The following VPS8 variants were observed in gnomAD, a reference collection of about 807,000 sequenced individuals.
VPS8 encodes vacuolar protein sorting-associated protein 8 homolog.
In VPS8, 129 loss-of-function variants were observed where a neutral mutation model predicts 216.4. The observed-to-expected ratio is 0.60, with a 90% confidence interval of 0.52 to 0.69. The LOEUF (loss-of-function observed/expected upper bound fraction) is 0.69. Among genes scored for constraint, VPS8 ranks in the 30% least tolerant of loss-of-function variants. The probability of loss-of-function intolerance (pLI) is 0.00; values close to 1 mark genes in which losing one functional copy is unlikely to be tolerated. For synonymous variants in VPS8, 571 were observed against 565.4 expected, an observed-to-expected ratio of 1.01 and a Z score of -0.14; for missense variants, 1,531 against 1,683.5, an observed-to-expected ratio of 0.91 and a Z score of 1.59.
chr3:184,926,673 T>C (rs760443677), intron 31 of VPS8, 23 bp downstream of exon 31: 131 of 1,582,232 alleles, frequency 8.3e-5, no homozygotes, highest in Non-Finnish European at 1.1e-4. Flanking sequence ...AGAACTCTTT[T>C]TGCTAAAAAA....
chr3:184,970,306 T>C (rs185208815), intron 39 of VPS8, among the ~76,000 whole-genome samples: 1 of 152,244 alleles, frequency 6.6e-6, no homozygotes. Context: ...CACAGACTAC[T>C]AAAACACAGA....
At chr3:184,886,484 CATATATACACACACATAT>C (rs1344700585) in intron 22 of VPS8, among the ~76,000 whole-genome samples, 3 of 151,076 alleles carry the variant, frequency 2.0e-5, no homozygotes, top group Non-Finnish European at 2.9e-5. Flanking sequence ...CACACACACG[CATATATACACACACATAT>C]ATATATACAC....
chr3:184,835,011 A>C (rs543374762), intron 5 of VPS8: 1 of 284,698 alleles, frequency 3.5e-6, no homozygotes, highest in African/African-American at 2.2e-5. Context: ...AATAAATACT[A>C]TTTGCCTTTT....
At chr3:184,878,191 A>G (rs901927942) in intron 21 of VPS8, among the ~76,000 whole-genome samples, 1 of 151,666 alleles carries the variant, frequency 6.6e-6, no homozygotes, top group African/African-American at 2.4e-5. Context: ...GCTCACTGCA[A>G]CCTCTGCCTC....
intron 45 of VPS8, 24 bp downstream of exon 45, chr3:184,999,885 A>G: frequency 1.4e-5 from 23 of 1,588,462 alleles, no homozygotes; most frequent in Non-Finnish European, 2.0e-5. Flanking sequence ...TCGTGGCAAA[A>G]TGGAAATGGT....
At position 184,989,600 on chromosome 3, in the gene VPS8, A is replaced by G. The variant is rs142932407; in HGVS notation, c.3586-4383A>G. Among the ~76,000 whole-genome samples, 1,162 of 152,246 alleles carry G rather than the reference A, an allele frequency of 7.6e-3. 14 individuals carry two copies. The highest frequency in any genetic ancestry group is 0.026 in the African/African-American group (1,091 of 41,558). ...TTTTTAAATGTTGAACCAGCCTTGC[A>G]TACCTGGGATAAATCCCACTTGGTT... On this transcript the variant is annotated intron_variant, in intron 42 of 47. Transcript: ENST00000625842.
chr3:184,961,311 C>A (rs1019107333), intron 37 of VPS8, among the ~76,000 whole-genome samples: 28 of 152,296 alleles, frequency 1.8e-4, no homozygotes, highest in African/African-American at 6.5e-4. Context: ...CCTTTGCTGT[C>A]AACACTCCTG....
At chr3:184,841,317 C>T (rs1002532648) in intron 7 of VPS8, among the ~76,000 whole-genome samples, 1 of 152,150 alleles carries the variant, frequency 6.6e-6, no homozygotes, top group African/African-American at 2.4e-5. Flanking sequence ...TGTATCTATA[C>T]ACCCTCAAAT....
intron 22 of VPS8, among the ~76,000 whole-genome samples, chr3:184,892,176 T>C (rs1032408433): frequency 2.0e-5 from 3 of 152,136 alleles, no homozygotes; most frequent in Non-Finnish European, 4.4e-5. Context: ...GAATAGTGCC[T>C]AAATATAGAA....
chr3:184,866,191 A>G (rs1727324643), intron 16 of VPS8, among the ~76,000 whole-genome samples: 1 of 152,242 alleles, frequency 6.6e-6, no homozygotes, highest in Admixed American at 6.5e-5. Context: ...AATGTGGCAT[A>G]GCCATTTAAT....
chr3:184,948,111 T>C (rs1450084458), intron 36 of VPS8, among the ~76,000 whole-genome samples: 1 of 152,176 alleles, frequency 6.6e-6, no homozygotes, highest in Non-Finnish European at 1.5e-5. Flanking sequence ...TTACTAAAGA[T>C]ATTTACAGTA....
chr3:184,924,775 G>A lies in VPS8; in HGVS notation c.2455-87G>A. The stretch of plus-strand genomic sequence containing the variant: ...AATCTTTTTACGCGTCTTCAGTCAT[G>A]AGGCTATCCCGTCTTCTAATTGTAT... On this transcript the variant is annotated intron_variant, in intron 29 of 47. Transcript: ENST00000625842. 2.7e-6 allele frequency: 4 copies of A among 1,461,160 alleles called. No homozygotes were observed. The South Asian group carries it at 4.1e-5, about 15-fold the overall frequency. 90.5% of individuals were successfully genotyped at this position (1,461,160 alleles called of 1,614,324 possible). A position where few individuals can be genotyped will look rare whatever the true frequency, so the allele number is the denominator to read the frequency against.
intron 29 of VPS8, among the ~76,000 whole-genome samples, chr3:184,921,920 A>G (rs1578252986): frequency 6.6e-6 from 1 of 152,116 alleles, no homozygotes; most frequent in South Asian, 2.1e-4. Flanking sequence ...AGCATAAGTA[A>G]TAGTTTCTGC....
Position 184,966,697 on chromosome 3 carries a change from A to G in VPS8, c.3300A>G (p.Val1100=). 1 of 1,593,304 alleles carries G rather than the reference A, an allele frequency of 6.3e-7. No homozygotes were observed. The highest frequency in any genetic ancestry group is 8.6e-7 in the Non-Finnish European group (1 of 1,166,810). The part of the protein sequence containing the change: ...LERLQSKLQE[V]THQGENTKED... ...GACTACAAAGCAAACTTCAAGAGGT[A>G]ACACATCAAGGTGAAAGTAAGTTCT... is the stretch of plus-strand genomic sequence containing the variant. The change falls in exon 39 of 48, where the codon GTA becomes GTG. Residue 1100 remains valine, a synonymous_variant. Coordinates refer to ENST00000625842, the MANE Select transcript of VPS8 (RefSeq NM_001009921.3).
At chr3:184,929,700 T>C in intron 33 of VPS8, 36 bp downstream of exon 33, 1 of 1,292,308 alleles carries the variant, frequency 7.7e-7, no homozygotes, top group South Asian at 1.5e-5. Context: ...TTTTTCTTAC[T>C]CAACTTTCCC....
chr3:184,859,914 G>A, intron 14 of VPS8, 71 bp from the exon 15 acceptor site: 2 of 1,120,930 alleles, frequency 1.8e-6, no homozygotes, highest in Non-Finnish European at 1.3e-6. Context: ...TCTAGGTGGA[G>A]TATAATTAAA....
chr3:185,042,802 A>G (rs34829829), intron 46 of VPS8, among the ~76,000 whole-genome samples: 34,979 of 152,178 alleles, frequency 0.23, 5,341 homozygotes, highest in East Asian at 0.53. Flanking sequence ...AAAAAAATAT[A>G]TAATGAGATG....
At chr3:184,893,693 C>A (rs1469769777) in intron 22 of VPS8, among the ~76,000 whole-genome samples, 1 of 152,084 alleles carries the variant, frequency 6.6e-6, no homozygotes, top group East Asian at 1.9e-4. Flanking sequence ...TTTTTCATAT[C>A]TTTTCACTTA....
chr3:185,040,101 T>C (rs1016569899), intron 46 of VPS8, among the ~76,000 whole-genome samples: 6 of 152,050 alleles, frequency 3.9e-5, no homozygotes, highest in African/African-American at 1.4e-4. Context: ...ATCACTCACC[T>C]CCCACCCTCA....
Sources: gnomAD v4.1 joint callset for allele counts (sites outside exome capture counted in the v4.1 genomes callset) on GRCh38, gnomAD v4.1.1 for gene constraint, MANE v1.5 for transcripts, NCBI Gene and HGNC (gene_info 2026-07-23, HGNC 2026-07-21) for gene names.